The following KAT8 variants were observed in gnomAD, a reference collection of about 807,000 sequenced individuals.
KAT8 encodes lysine acetyltransferase 8, also known as histone acetyltransferase KAT8.
Under a neutral mutation model 62.9 loss-of-function variants are expected in KAT8, and 40 were observed. The ratio of observed to expected loss-of-function variants is 0.64; its 90% CI spans 0.49 to 0.83. The LOEUF (loss-of-function observed/expected upper bound fraction) is 0.83, where lower values mean the gene tolerates loss of function less well. KAT8 is among the 40% of genes least tolerant of loss of function. KAT8 has a pLI of 0.00. For synonymous variants in KAT8, 278 were observed against 254.5 expected (o/e 1.09, Z -0.88); for missense variants, 387 against 614.8 (o/e 0.63, Z 3.92).
chr16:31,120,113 T>TGCTTCTCAG (rs1459612860), intron 1 of KAT8, 73 bp from the exon 2 acceptor site: 1 of 1,270,464 alleles, frequency 7.9e-7, no homozygotes, highest in Non-Finnish European at 1.2e-6. Flanking sequence ...CTCTGGAAAC[T>TGCTTCTCAG]GCTTCTCAGT....
intron 3 of KAT8, chr16:31,126,284 C>G (rs1343292798): frequency 2.0e-5 from 3 of 152,250 alleles, no homozygotes; most frequent in Non-Finnish European, 2.9e-5. Context: ...GAGTCTGAGG[C>G]GGCCTAGTAA....
At position 31,117,701 on chromosome 16, in the gene KAT8, C is replaced by T. The variant is rs927696842; in HGVS notation, c.20C>T (p.Ala7Val). Reference sequence around the variant, plus strand: ...CCCGCGATGGCGGCACAGGGAGCTGCTGCGGCGGTTGCGGCGGGGACTTCA... The same window carrying T: ...CCCGCGATGGCGGCACAGGGAGCTGTTGCGGCGGTTGCGGCGGGGACTTCA... The part of the protein sequence containing the change: MAAQGA[A>V]AAVAAGTSGV... Residue 7 changes from alanine (A) to valine (V), a missense_variant, in exon 1 of 11, where the codon GCT (alanine) becomes GTT (valine). By Grantham distance (64) the Ala-to-Val change is moderately conservative. Around this residue, in one of 6 missense-constraint regions of KAT8, gnomAD observed 92 missense variants for 78.8 expected, o/e 1.17. Transcript: ENST00000219797. The T allele has an allele frequency of 4.3e-6, 6 of 1,402,386 alleles. No individual in the cohort carries two copies. Among genetic ancestry groups the T allele is most frequent in the South Asian group, 1.5e-5 (1 of 65,448 alleles). 86.9% of individuals were successfully genotyped at this position (1,402,386 alleles called of 1,614,324 possible). A position where few individuals can be genotyped will look rare whatever the true frequency, so the allele number is the denominator to read the frequency against.
At position 31,130,954 on chromosome 16, in the gene KAT8, A is replaced by T. The variant is rs201330971; in HGVS notation, c.1312+54A>T. ...GCGGTGGGGGAGTGTCAGTATATGG[A>T]CTGGTAGGAGTCAAGGCCTCCTTAT... On this transcript the variant is annotated intron_variant, in intron 10 of 10. Coordinates refer to ENST00000219797, the MANE Select transcript of KAT8 (RefSeq NM_032188.3). 226 of 1,581,560 alleles carry T rather than the reference A, an allele frequency of 1.4e-4. No individual in the cohort carries two copies. Among genetic ancestry groups the T allele is most frequent in the Non-Finnish European group, 1.8e-4 (214 of 1,163,512 alleles).
intron 3 of KAT8, 54 bp downstream of exon 3, chr16:31,120,568 C>A: frequency 1.3e-6 from 2 of 1,544,856 alleles, no homozygotes; most frequent in Non-Finnish European, 8.8e-7. Flanking sequence ...TCTGCCAGTT[C>A]CCTTGGGTCT....
At chr16:31,125,934 T>G (rs2057528837) in intron 3 of KAT8, 1 of 152,214 alleles carries the variant, frequency 6.6e-6, no homozygotes, top group Admixed American at 6.5e-5. Flanking sequence ...GTGGGCATAC[T>G]TGGACAGTGT....
At chr16:31,117,960 G>T in intron 1 of KAT8, 68 bp downstream of exon 1, 4 of 1,180,462 alleles carry the variant, frequency 3.4e-6, no homozygotes, top group Non-Finnish European at 4.4e-6. Context: ...GGGGCCTGAG[G>T]ACAGGCTGTC....
At chr16:31,120,709 GC>G in intron 3 of KAT8, 195 bp downstream of exon 3, 1 of 547,474 alleles carries the variant, frequency 1.8e-6, no homozygotes. Context: ...GGGCTTCGCT[GC>G]AGTCTCACAG....
chr16:31,124,297 A>G (rs1435998468), intron 3 of KAT8, among the ~76,000 whole-genome samples: 1 of 152,210 alleles, frequency 6.6e-6, no homozygotes, highest in African/African-American at 2.4e-5. Context: ...TCTCTCATAC[A>G]ACAGGGACAA....
intron 7 of KAT8, 29 bp downstream of exon 7, chr16:31,130,186 A>T (rs771176851): frequency 5.0e-6 from 1 of 199,486 alleles, no homozygotes; most frequent in Admixed American, 4.7e-5. Flanking sequence ...CGGGGTGGGG[A>T]GGGTGGGGAG....
intron 5 of KAT8, 77 bp downstream of exon 5, chr16:31,127,430 C>T: frequency 1.3e-6 from 2 of 1,498,674 alleles, no homozygotes; most frequent in Non-Finnish European, 1.8e-6. Flanking sequence ...CTGAGGGCGG[C>T]TGCGCCGGCA....
Position 31,128,158 on chromosome 16 carries a change from G to T in KAT8, c.771+19G>T. Reference sequence around the variant, plus strand: ...CCATAAGGTGAGTGGGTGGCCAGGGGTTGGGAGAGGCCGGGGAGGCCCTGG... The same window carrying T: ...CCATAAGGTGAGTGGGTGGCCAGGGTTTGGGAGAGGCCGGGGAGGCCCTGG... On this transcript the variant is annotated intron_variant, in intron 6 of 10. Coordinates refer to ENST00000219797, the MANE Select transcript of KAT8 (RefSeq NM_032188.3). 6.3e-7 allele frequency: 1 copy of T among 1,598,420 alleles called. No individual in the cohort carries two copies. The highest frequency in any genetic ancestry group is 8.6e-7 in the Non-Finnish European group (1 of 1,166,566).
intron 1 of KAT8, 149 bp from the exon 2 acceptor site, chr16:31,120,037 T>C (rs1471013324): frequency 1.5e-6 from 1 of 673,238 alleles, no homozygotes; most frequent in Non-Finnish European, 2.7e-6. Flanking sequence ...CACCTCACAG[T>C]TGTGGCAGTG....
At position 31,127,076 on chromosome 16, in the gene KAT8, G is replaced by A. The variant is rs776604637; in HGVS notation, c.504G>A (p.Lys168=). ...EMDPTTAALE[K]EHEAITKVKY... is the part of the protein sequence containing the mutation. The stretch of plus-strand genomic sequence containing the variant: ...ACCCCACCACAGCAGCCTTGGAGAA[G>A]GAGCATGAGGCGGTAAGTGGGGCTG... The change falls in exon 4 of 11, where the codon AAG becomes AAA. Residue 168 remains lysine, a synonymous_variant. Coordinates refer to ENST00000219797, the MANE Select transcript of KAT8 (RefSeq NM_032188.3). The A allele has an allele frequency of 6.2e-7, 1 of 1,614,162 alleles. No homozygotes were observed. The highest frequency in any genetic ancestry group is 1.7e-5 in the Admixed American group (1 of 60,018).
At position 31,117,732 on chromosome 16, in the gene KAT8, C is replaced by G; in HGVS notation, c.51C>G (p.Val17=). ...CGGTTGCGGCGGGGACTTCAGGGGTCGCGGGGGAGGGCGAGCCCGGGCCCG... is the reference window on the plus strand; with the variant it reads ...CGGTTGCGGCGGGGACTTCAGGGGTGGCGGGGGAGGGCGAGCCCGGGCCCG... The part of the protein sequence containing the change: ...AAAVAAGTSG[V]AGEGEPGPGE... The change falls in exon 1 of 11, where the codon GTC becomes GTG. Residue 17 remains valine, a synonymous_variant. Coordinates refer to ENST00000219797, the MANE Select transcript of KAT8 (RefSeq NM_032188.3). 1 of 1,374,134 alleles carries G rather than the reference C, an allele frequency of 7.3e-7. No individual in the cohort carries two copies. Among genetic ancestry groups the G allele is most frequent in the Non-Finnish European group, 9.5e-7 (1 of 1,056,964 alleles). The allele number at this position is 1,374,134 out of a possible 1,614,324, so 85.1% of individuals were successfully genotyped here.
chr16:31,128,035 C>G lies in KAT8; in HGVS notation c.682-15C>G. 6.2e-7 allele frequency: 1 copy of G among 1,610,580 alleles called. No individual in the cohort carries two copies. The highest frequency in any genetic ancestry group is 1.7e-5 in the Admixed American group (1 of 60,028). On this transcript the variant is annotated splice_polypyrimidine_tract_variant and intron_variant, in intron 5 of 10. Coordinates refer to ENST00000219797, the MANE Select transcript of KAT8 (RefSeq NM_032188.3). ...AACATATGGGCAGCGAACCTGTTCTCTTGTCCCCGACCAGGGTCAGTGCCA... is the reference window on the plus strand; with the variant it reads ...AACATATGGGCAGCGAACCTGTTCTGTTGTCCCCGACCAGGGTCAGTGCCA...
chr16:31,126,231 G>C (rs1164018647), intron 3 of KAT8: 2 of 152,462 alleles, frequency 1.3e-5, no homozygotes, highest in East Asian at 3.9e-4. Context: ...GCCGCTAAAA[G>C]GGGGCTGCTG....
At chr16:31,118,224 G>A (rs952684986) in intron 1 of KAT8, 2 of 255,450 alleles carry the variant, frequency 7.8e-6, no homozygotes, top group Non-Finnish European at 7.4e-6. Context: ...TTGTCTCTGC[G>A]TCTTCTTTTT....
intron 3 of KAT8, chr16:31,126,692 A>T (rs1332686775): frequency 1.7e-5 from 5 of 294,054 alleles, no homozygotes; most frequent in Non-Finnish European, 6.6e-6. Flanking sequence ...CTGGAAGGCA[A>T]ATCTGTTATT....
intron 6 of KAT8, among the ~76,000 whole-genome samples, chr16:31,129,275 C>G (rs1379439059): frequency 3.9e-5 from 6 of 152,172 alleles, no homozygotes; most frequent in African/African-American, 1.4e-4. Context: ...CTGAGCCCAG[C>G]CCTTGCCCCT....
Sources: gnomAD v4.1 joint callset for allele counts (sites outside exome capture counted in the v4.1 genomes callset) on GRCh38, gnomAD v4.1.1 for gene constraint, gnomAD v4.1.1 regional missense constraint, MANE v1.5 for transcripts, NCBI Gene and HGNC (gene_info 2026-07-23, HGNC 2026-07-21) for gene names.